The following DCC variants were observed in gnomAD, a reference collection of about 807,000 sequenced individuals.
The protein encoded by DCC is netrin receptor DCC.
A neutral mutation model predicts 172.5 loss-of-function variants in DCC; 58 were observed. That is an observed-to-expected ratio of 0.34 (90% CI 0.27 to 0.42). The LOEUF (loss-of-function observed/expected upper bound fraction) is 0.42, where lower values mean the gene tolerates loss of function less well. Among genes scored for constraint, DCC ranks in the 10% least tolerant of loss-of-function variants. The probability of loss-of-function intolerance (pLI) is 1.00; values close to 1 mark genes in which losing one functional copy is unlikely to be tolerated. For synonymous variants in DCC, 709 were observed against 644.5 expected, an observed-to-expected ratio of 1.10 and a Z score of -1.52; for missense variants, 1,740 against 1,791.0, an observed-to-expected ratio of 0.97 and a Z score of 0.51.
intron 15 of DCC, among the ~76,000 whole-genome samples, chr18:53,369,324 T>A (rs1272823625): frequency 6.6e-6 from 1 of 151,994 alleles, no homozygotes; most frequent in Non-Finnish European, 1.5e-5. Flanking sequence ...GGTTTTTTTG[T>A]ACGTGTTTCT....
intron 5 of DCC, among the ~76,000 whole-genome samples, chr18:53,023,883 C>T (rs1157316313): frequency 6.6e-6 from 1 of 152,066 alleles, no homozygotes; most frequent in Non-Finnish European, 1.5e-5. Context: ...CCTGCAGATG[C>T]CCCAAATTCC....
At chr18:52,443,775 G>A (rs1277190840) in intron 1 of DCC, among the ~76,000 whole-genome samples, 1 of 152,162 alleles carries the variant, frequency 6.6e-6, no homozygotes, top group Non-Finnish European at 1.5e-5. Context: ...TTATTGTGTA[G>A]CTGCTAAGAT....
intron 15 of DCC, among the ~76,000 whole-genome samples, chr18:53,377,407 T>C (rs553808325): frequency 2.8e-5 from 4 of 142,872 alleles, no homozygotes; most frequent in African/African-American, 7.8e-5. Flanking sequence ...GCCAAACTCA[T>C]CCTTTTCAAC....
intron 27 of DCC, among the ~76,000 whole-genome samples, chr18:53,506,024 G>A (rs1199403882): frequency 1.3e-5 from 2 of 152,086 alleles, no homozygotes; most frequent in Admixed American, 6.5e-5. Flanking sequence ...AGTTTACAGA[G>A]GACATTTCCA....
chr18:52,536,610 T>C (rs1366665734), intron 1 of DCC, among the ~76,000 whole-genome samples: 2 of 152,052 alleles, frequency 1.3e-5, no homozygotes, highest in African/African-American at 4.8e-5. Flanking sequence ...GCTCTCAATC[T>C]TCAAGAAAGG....
At chr18:52,690,369 T>C (rs965067157) in intron 1 of DCC, among the ~76,000 whole-genome samples, 1 of 152,114 alleles carries the variant, frequency 6.6e-6, no homozygotes, top group Non-Finnish European at 1.5e-5. Context: ...AGTAGAGGCT[T>C]CACAGCAGAG....
intron 1 of DCC, among the ~76,000 whole-genome samples, chr18:52,625,836 C>T (rs1050188242): frequency 6.6e-6 from 1 of 152,182 alleles, no homozygotes; most frequent in Admixed American, 6.5e-5. Flanking sequence ...CAGGTCCTGC[C>T]TCATGTCCAA....
intron 9 of DCC, among the ~76,000 whole-genome samples, chr18:53,191,217 A>C (rs1298256408): frequency 6.6e-6 from 1 of 152,138 alleles, no homozygotes; most frequent in Non-Finnish European, 1.5e-5. Flanking sequence ...TCTTCACAAA[A>C]ATGTTGAGGA....
intron 1 of DCC, among the ~76,000 whole-genome samples, chr18:52,345,678 A>T (rs1983847331): frequency 6.6e-6 from 1 of 152,300 alleles, no homozygotes; most frequent in East Asian, 1.9e-4. Context: ...CTCTGAAACC[A>T]AGGCTGTGAC....
intron 15 of DCC, among the ~76,000 whole-genome samples, chr18:53,368,362 A>C (rs887993017): frequency 6.6e-6 from 1 of 151,844 alleles, no homozygotes; most frequent in African/African-American, 2.4e-5. Flanking sequence ...TAACTTACAA[A>C]CCCTTTATTC....
chr18:52,452,361 A>T (rs1422679076), intron 1 of DCC, among the ~76,000 whole-genome samples: 1 of 152,228 alleles, frequency 6.6e-6, no homozygotes, highest in Admixed American at 6.5e-5. Flanking sequence ...ATTATGCATT[A>T]TGTGTCTTTT....
intron 3 of DCC, among the ~76,000 whole-genome samples, chr18:52,907,927 C>T (rs2039914295): frequency 6.6e-6 from 1 of 152,150 alleles, no homozygotes; most frequent in Non-Finnish European, 1.5e-5. Context: ...ATTTTACTTT[C>T]TCTTCTCTGG....
intron 2 of DCC, among the ~76,000 whole-genome samples, chr18:52,837,539 A>C (rs1003856216): frequency 6.6e-6 from 1 of 152,124 alleles, no homozygotes; most frequent in South Asian, 2.1e-4. Context: ...CCAGTTCCCA[A>C]TAAGTTCTCC....
intron 8 of DCC, among the ~76,000 whole-genome samples, chr18:53,170,107 A>G (rs1275300538): frequency 6.6e-6 from 1 of 152,182 alleles, no homozygotes; most frequent in Non-Finnish European, 1.5e-5. Flanking sequence ...ATGGCAGGAA[A>G]TACCATTTTC....
chr18:52,587,235 C>T (rs541421149), intron 1 of DCC, among the ~76,000 whole-genome samples: 10 of 152,310 alleles, frequency 6.6e-5, no homozygotes, highest in African/African-American at 2.4e-4. Context: ...TCAGCAGTGG[C>T]CATAGCCAGG....
intron 18 of DCC, among the ~76,000 whole-genome samples, chr18:53,401,321 C>T (rs1958675248): frequency 6.6e-6 from 1 of 152,108 alleles, no homozygotes; most frequent in Non-Finnish European, 1.5e-5. Flanking sequence ...TCTCTTTCTC[C>T]ATCCATCCCT....
intron 3 of DCC, among the ~76,000 whole-genome samples, chr18:52,923,365 C>T (rs769328325): frequency 2.5e-4 from 38 of 152,080 alleles, no homozygotes; most frequent in Non-Finnish European, 4.7e-4. Flanking sequence ...GCAAACTGAA[C>T]ATATCAATAA....
chr18:53,290,446 G>A (rs2056988588), intron 12 of DCC, among the ~76,000 whole-genome samples: 2 of 152,112 alleles, frequency 1.3e-5, no homozygotes, highest in Non-Finnish European at 2.9e-5. Context: ...TAAGTACTCT[G>A]TAATTACTGT....
At chr18:53,334,800 T>A (rs1289745434) in intron 14 of DCC, among the ~76,000 whole-genome samples, 1 of 152,250 alleles carries the variant, frequency 6.6e-6, no homozygotes, top group Non-Finnish European at 1.5e-5. Flanking sequence ...TATTCCATTA[T>A]GTGTATATAC....
Sources: gnomAD v4.1 joint callset for allele counts (sites outside exome capture counted in the v4.1 genomes callset) on GRCh38, gnomAD v4.1.1 for gene constraint, MANE v1.5 for transcripts, NCBI Gene and HGNC (gene_info 2026-07-23, HGNC 2026-07-21) for gene names.